DPP10: variants seen among roughly 807,000 people sequenced by gnomAD.
DPP10 encodes the protein inactive dipeptidyl peptidase 10.
A neutral mutation model predicts 120.9 loss-of-function variants in DPP10; 33 were observed. The ratio of observed to expected loss-of-function variants is 0.27; its 90% CI spans 0.21 to 0.37. The LOEUF is 0.37. DPP10 is among the 10% of genes least tolerant of loss of function. The pLI, the probability that DPP10 is intolerant of heterozygous loss-of-function variation, is 1.00. For missense variants in DPP10, 816 were observed against 942.8 expected (o/e 0.87, Z 1.76); for synonymous variants, 337 against 326.1 (o/e 1.03, Z -0.36).
intron 1 of DPP10, among the ~76,000 whole-genome samples, chr2:115,133,582 T>C (rs1031221110): frequency 1.3e-5 from 2 of 152,116 alleles, no homozygotes; most frequent in Non-Finnish European, 2.9e-5. Flanking sequence ...GTATCTATTA[T>C]ATAAAGCTCA....
intron 3 of DPP10, among the ~76,000 whole-genome samples, chr2:115,439,896 A>G (rs1372620717): frequency 6.6e-6 from 1 of 152,152 alleles, no homozygotes; most frequent in Non-Finnish European, 1.5e-5. Context: ...AGACCATATT[A>G]AAAATTTTAG....
chr2:115,666,127 T>C (rs1406032599), intron 5 of DPP10, among the ~76,000 whole-genome samples: 1 of 152,152 alleles, frequency 6.6e-6, no homozygotes, highest in African/African-American at 2.4e-5. Flanking sequence ...CCCTCATAAG[T>C]GAGAACATCC....
At position 114,517,287 on chromosome 2, in the gene DPP10, G is replaced by A. The variant is rs536011805; in HGVS notation, c.60+74449G>A. Among the ~76,000 whole-genome samples the A allele has an allele frequency of 2.6e-4, 40 of 152,274 alleles. No homozygotes were observed. In the South Asian group the frequency reaches 7.0e-3, roughly 27 times the overall value. ...TGTAATCCCAACACTTTGGGAGGCC[G>A]AGGCGGGAGGATCACCTGATGTCAG... On this transcript the variant is annotated intron_variant, in intron 1 of 25. Transcript: ENST00000410059.
At chr2:114,584,879 C>T (rs906902877) in intron 1 of DPP10, among the ~76,000 whole-genome samples, 3 of 152,026 alleles carry the variant, frequency 2.0e-5, no homozygotes, top group Admixed American at 6.6e-5. Context: ...AAGACTTGAA[C>T]ATTATGTGAA....
chr2:114,965,207 G>A (rs922285211), intron 1 of DPP10, among the ~76,000 whole-genome samples: 1 of 152,038 alleles, frequency 6.6e-6, no homozygotes, highest in Non-Finnish European at 1.5e-5. Flanking sequence ...CATGATCTCG[G>A]CTCACTGCAA....
At chr2:115,093,343 A>G (rs1042725207) in intron 1 of DPP10, among the ~76,000 whole-genome samples, 3 of 152,138 alleles carry the variant, frequency 2.0e-5, no homozygotes, top group African/African-American at 7.2e-5. Context: ...GGAATTGACC[A>G]ATATACTTAG....
At chr2:115,121,541 T>C (rs1251868844) in intron 1 of DPP10, among the ~76,000 whole-genome samples, 1 of 152,212 alleles carries the variant, frequency 6.6e-6, no homozygotes, top group Non-Finnish European at 1.5e-5. Flanking sequence ...AGGGGCATTT[T>C]TGGCTCTTGG....
intron 1 of DPP10, among the ~76,000 whole-genome samples, chr2:115,250,118 G>A (rs2058692999): frequency 6.6e-6 from 1 of 151,926 alleles, no homozygotes; most frequent in Non-Finnish European, 1.5e-5. Flanking sequence ...ATTGTCCTTG[G>A]ATGGGACAGT....
At chr2:115,551,952 A>G (rs1221363724) in intron 5 of DPP10, among the ~76,000 whole-genome samples, 1 of 152,112 alleles carries the variant, frequency 6.6e-6, no homozygotes, top group Non-Finnish European at 1.5e-5. Flanking sequence ...TGGCTCTACA[A>G]TAGCAGCCAC....
intron 1 of DPP10, among the ~76,000 whole-genome samples, chr2:114,844,517 T>C (rs1688399193): frequency 6.6e-6 from 1 of 151,872 alleles, no homozygotes; most frequent in East Asian, 1.9e-4. Context: ...TTTGTATATA[T>C]TTGCATAATG....
chr2:115,073,549 C>A (rs1707544704), intron 1 of DPP10, among the ~76,000 whole-genome samples: 1 of 152,216 alleles, frequency 6.6e-6, no homozygotes, highest in Admixed American at 6.5e-5. Flanking sequence ...GTTTATGATT[C>A]TGTTACTGTA....
intron 1 of DPP10, among the ~76,000 whole-genome samples, chr2:115,093,820 T>C (rs1709488238): frequency 6.6e-6 from 1 of 152,136 alleles, no homozygotes; most frequent in Non-Finnish European, 1.5e-5. Context: ...GAATTTGTTG[T>C]CATTCATGAC....
At chr2:114,527,274 A>G (rs1253434709) in intron 1 of DPP10, among the ~76,000 whole-genome samples, 2 of 152,158 alleles carry the variant, frequency 1.3e-5, no homozygotes, top group African/African-American at 4.8e-5. Context: ...AATTCCCTCT[A>G]TCTCTCTATA....
intron 3 of DPP10, among the ~76,000 whole-genome samples, chr2:115,466,800 A>T (rs1165440613): frequency 6.6e-6 from 1 of 152,128 alleles, no homozygotes; most frequent in Admixed American, 6.6e-5. Context: ...AGGTTACTGG[A>T]TCTCTTTAGG....
At chr2:115,134,598 T>C (rs1311614302) in intron 1 of DPP10, among the ~76,000 whole-genome samples, 1 of 152,148 alleles carries the variant, frequency 6.6e-6, no homozygotes, top group Non-Finnish European at 1.5e-5. Flanking sequence ...GCTTCTCCCA[T>C]GCTACCTCCA....
At chr2:115,744,920 A>T (rs1677756385) in intron 9 of DPP10, among the ~76,000 whole-genome samples, 1 of 150,468 alleles carries the variant, frequency 6.6e-6, no homozygotes, top group Middle Eastern at 3.2e-3. Context: ...AGCATCAGCC[A>T]CATCATAAGG....
intron 5 of DPP10, chr2:115,579,239 C>A (rs879905208): frequency 6.6e-6 from 1 of 152,134 alleles, no homozygotes; most frequent in Non-Finnish European, 1.5e-5. Flanking sequence ...TGCGTATCCT[C>A]CACCAGCACA....
chr2:115,244,239 T>TAGAGAG lies in DPP10; in HGVS notation c.61-64962_61-64957dup, dbSNP rs67598156. On this transcript the variant is annotated intron_variant, in intron 1 of 25. Coordinates refer to ENST00000410059, the MANE Select transcript of DPP10 (RefSeq NM_020868.6). The stretch of plus-strand genomic sequence containing the variant: ...GTGTATATATATATATATATATATA[T>TAGAGAG]AGAGAGAGAGAGAGAGAGAGAGAGA... Among the ~76,000 whole-genome samples, 8 of 93,476 alleles carry TAGAGAG rather than the reference T, an allele frequency of 8.6e-5. No individual in the cohort carries two copies. The East Asian group carries it at 1.6e-3, about 18-fold the overall frequency. The allele number at this position is 93,476 out of a possible 152,430, so 61.3% of individuals were successfully genotyped here. A position where few individuals can be genotyped will look rare whatever the true frequency, so the allele number is the denominator to read the frequency against.
intron 4 of DPP10, among the ~76,000 whole-genome samples, chr2:115,517,820 A>G (rs952473597): frequency 7.2e-5 from 11 of 152,212 alleles, no homozygotes; most frequent in Non-Finnish European, 1.3e-4. Context: ...CTAAATAGAT[A>G]TCTGTCTTAT....
Sources: gnomAD v4.1 joint callset for allele counts (sites outside exome capture counted in the v4.1 genomes callset) on GRCh38, gnomAD v4.1.1 for gene constraint, MANE v1.5 for transcripts, NCBI Gene and HGNC (gene_info 2026-07-23, HGNC 2026-07-21) for gene names.